GTF2H2: variants seen among roughly 807,000 people sequenced by gnomAD.
GTF2H2 encodes general transcription factor IIH subunit 2.
In GTF2H2, 2 loss-of-function variants were observed where a neutral mutation model predicts 16.5. The ratio of observed to expected loss-of-function variants is 0.12; its 90% CI spans 0.05 to 0.38. The LOEUF (loss-of-function observed/expected upper bound fraction) is 0.38, where lower values mean the gene tolerates loss of function less well. Among genes scored for constraint, GTF2H2 ranks in the 10% least tolerant of loss-of-function variants. The pLI is 0.99. For synonymous variants in GTF2H2, 8 were observed against 44.1 expected, an observed-to-expected ratio of 0.18 and a Z score of 3.24; for missense variants, 20 against 137.0, an observed-to-expected ratio of 0.15 and a Z score of 4.26.
chr5:71,051,068 A>G (rs1344859050), intron 8 of GTF2H2, among the ~76,000 whole-genome samples: 1 of 143,230 alleles, frequency 7.0e-6, no homozygotes. Flanking sequence ...ACTAGTCTTG[A>G]ACTCCTGACC....
In GTF2H2 at chr5:71,058,093, C is replaced by T. The variant is rs1434921274; in HGVS notation, c.364+1597G>A. 161 of 137,886 alleles carry T rather than the reference C, an allele frequency of 1.2e-3. 3 individuals carry two copies. Among genetic ancestry groups the T allele is most frequent in the Non-Finnish European group, 2.0e-3 (124 of 63,160 alleles). The allele number at this position is 137,886 out of a possible 1,614,324, so 8.5% of individuals were successfully genotyped here. A position where few individuals can be genotyped will look rare whatever the true frequency, so the allele number is the denominator to read the frequency against. ...GGTGTGGCAGCGCACACCTGTAATCCCAGCTACTCGGGAGGGGGAGGCAGG... is the reference window on the plus strand; with the variant it reads ...GGTGTGGCAGCGCACACCTGTAATCTCAGCTACTCGGGAGGGGGAGGCAGG... On this transcript the variant is annotated intron_variant, in intron 7 of 15. Transcript: ENST00000274400.
In GTF2H2 at chr5:71,052,321, C is replaced by CCA. The variant is rs1168541748; in HGVS notation, c.470+3029_470+3030dup. ...TAGCTGGGATTATAGGCGCACACCA[C>CCA]CACACCTGGCTAATTTTTTGTATTT... On this transcript the variant is annotated intron_variant, in intron 8 of 15. Coordinates refer to ENST00000274400, the Ensembl canonical transcript of GTF2H2. Among the ~76,000 whole-genome samples, 40 of 118,888 alleles carry CCA rather than the reference C, an allele frequency of 3.4e-4. 5 individuals carry two copies. Among genetic ancestry groups the CCA allele is most frequent in the African/African-American group, 1.3e-3 (37 of 28,764 alleles). 78.0% of individuals were successfully genotyped at this position (118,888 alleles called of 152,430 possible).
intron 8 of GTF2H2, among the ~76,000 whole-genome samples, chr5:71,054,765 G>A (rs1431598453): frequency 2.5e-5 from 3 of 120,866 alleles, no homozygotes; most frequent in African/African-American, 9.9e-5. Flanking sequence ...ATATATAATA[G>A]ATATATAAGC....
intron 8 of GTF2H2, among the ~76,000 whole-genome samples, chr5:71,050,913 C>G (rs1752657701): frequency 9.9e-6 from 1 of 101,364 alleles, no homozygotes; most frequent in Non-Finnish European, 2.0e-5. Flanking sequence ...GTGGTGCGAT[C>G]TCGGCTCACT....
At chr5:71,052,101 T>C (rs1190556570) in intron 8 of GTF2H2, among the ~76,000 whole-genome samples, 1 of 142,280 alleles carries the variant, frequency 7.0e-6, no homozygotes, top group African/African-American at 2.7e-5. Context: ...TCATCAATTA[T>C]TTTAGCTAGA....
At chr5:71,054,170 A>G (rs1752993671) in intron 8 of GTF2H2, among the ~76,000 whole-genome samples, 1 of 145,470 alleles carries the variant, frequency 6.9e-6, no homozygotes, top group Non-Finnish European at 1.5e-5. Flanking sequence ...TTTAATTAAA[A>G]TGATAGCTTG....
At chr5:71,036,532 T>C (rs1751762555) in intron 15 of GTF2H2, among the ~76,000 whole-genome samples, 1 of 86,538 alleles carries the variant, frequency 1.2e-5, no homozygotes, top group Non-Finnish European at 2.5e-5. Context: ...CCAAGGCGGG[T>C]GGATTGCTTG....
At chr5:71,037,887 G>A (rs1751830343) in intron 14 of GTF2H2, among the ~76,000 whole-genome samples, 1 of 61,122 alleles carries the variant, frequency 1.6e-5, no homozygotes, top group Non-Finnish European at 3.1e-5. Context: ...CAGGAGAATC[G>A]CTTGAACCCA....
rs1013595627 is a variant in GTF2H2 at position 71,058,419 on chromosome 5, G to A, written c.364+1271C>T. The A allele has an allele frequency of 7.4e-5, 10 of 135,836 alleles. 1 individual carries two copies. The highest frequency in any genetic ancestry group is 2.5e-4 in the African/African-American group (9 of 35,476). The allele number at this position is 135,836 out of a possible 1,614,324, so 8.4% of individuals were successfully genotyped here. On this transcript the variant is annotated intron_variant, in intron 7 of 15. Coordinates refer to ENST00000274400, the Ensembl canonical transcript of GTF2H2. Reference sequence around the variant, plus strand: ...TACAAACAAAATACTTCATTTCCTGGCCACTTTGTTCATGGATGGGCAGAT... The same window carrying A: ...TACAAACAAAATACTTCATTTCCTGACCACTTTGTTCATGGATGGGCAGAT...
Position 71,052,015 on chromosome 5 carries a change from A to G in GTF2H2, c.471-2857T>C, listed in dbSNP as rs1443523785. On this transcript the variant is annotated intron_variant, in intron 8 of 15. Coordinates refer to ENST00000274400, the Ensembl canonical transcript of GTF2H2. ...ATCCATGATTGCACCACTGCACTCT[A>G]ACCTGGGTGACAGAGCGAGACTCTC... is the stretch of plus-strand genomic sequence containing the variant. 3.6e-5 allele frequency among the ~76,000 whole-genome samples: 5 copies of G among 139,054 alleles called. No individual in the cohort carries two copies. The South Asian group carries it at 1.1e-3, about 31-fold the overall frequency. 91.2% of individuals were successfully genotyped at this position (139,054 alleles called of 152,430 possible). A position where few individuals can be genotyped will look rare whatever the true frequency, so the allele number is the denominator to read the frequency against.
chr5:71,052,182 T>C (rs1752781318), intron 8 of GTF2H2, among the ~76,000 whole-genome samples: 1 of 142,838 alleles, frequency 7.0e-6, no homozygotes, highest in South Asian at 2.1e-4. Context: ...TTTTTCTTTA[T>C]TTTGAGACGG....
At position 71,061,406 on chromosome 5, in the gene GTF2H2, T is replaced by G. The variant is rs1473945354; in HGVS notation, c.135-98A>C. The G allele has an allele frequency of 2.8e-6, 3 of 1,080,550 alleles. No individual in the cohort carries two copies. The East Asian group carries it at 7.6e-5, about 27-fold the overall frequency. The allele number at this position is 1,080,550 out of a possible 1,614,324, so 66.9% of individuals were successfully genotyped here. On this transcript the variant is annotated intron_variant, in intron 3 of 15. Coordinates refer to ENST00000274400, the Ensembl canonical transcript of GTF2H2. ...CAATTGACCTCCTTTGTTTTTCTTT[T>G]TTTCTAATTCTGAGTAAGAATGTCA...
At chr5:71,053,282 T>C (rs2666609) in intron 8 of GTF2H2, among the ~76,000 whole-genome samples, 35 of 140,796 alleles carry the variant, frequency 2.5e-4, no homozygotes, top group African/African-American at 9.1e-4. Flanking sequence ...ATTGGTGTAA[T>C]TTGAATATTT....
intron 8 of GTF2H2, among the ~76,000 whole-genome samples, chr5:71,053,051 G>A (rs2150176014): frequency 9.0e-6 from 1 of 110,658 alleles, no homozygotes; most frequent in South Asian, 3.0e-4. Flanking sequence ...TTACAGGTAA[G>A]AGCCACCACG....
In GTF2H2 at chr5:71,054,082, G is replaced by T. The variant is rs1194513968; in HGVS notation, c.470+1270C>A. Among the ~76,000 whole-genome samples, 2 of 139,852 alleles carry T rather than the reference G, an allele frequency of 1.4e-5. 1 individual carries two copies. The highest frequency in any genetic ancestry group is 5.7e-5 in the African/African-American group (2 of 35,328). The allele number at this position is 139,852 out of a possible 152,430, so 91.7% of individuals were successfully genotyped here. On this transcript the variant is annotated intron_variant, in intron 8 of 15. Transcript: ENST00000274400. ...ACTAAAACTGGAAAGTGAAACTGCAGATAAGGGGGGATTACTATAATTTAA... is the reference window on the plus strand; with the variant it reads ...ACTAAAACTGGAAAGTGAAACTGCATATAAGGGGGGATTACTATAATTTAA...
intron 8 of GTF2H2, among the ~76,000 whole-genome samples, chr5:71,052,710 C>T (rs1752845512): frequency 2.2e-5 from 1 of 44,512 alleles, no homozygotes; most frequent in African/African-American, 1.1e-4. Flanking sequence ...ACTTTCTTAT[C>T]ATTCATGTGT....
rs1176023982 is a variant in GTF2H2, at chr5:71,052,225, T to C, written c.471-3067A>G. ...CAGTGTTGTCTGGGCTAAAGTGCAA[T>C]GGCGCGATCTCGGCTCACTGCAACC... On this transcript the variant is annotated intron_variant, in intron 8 of 15. Coordinates refer to ENST00000274400, the Ensembl canonical transcript of GTF2H2. Among the ~76,000 whole-genome samples the C allele has an allele frequency of 1.4e-5, 2 of 139,586 alleles. 1 individual carries two copies. The highest frequency in any genetic ancestry group is 3.1e-5 in the Non-Finnish European group (2 of 64,548). 91.6% of individuals were successfully genotyped at this position (139,586 alleles called of 152,430 possible).
At chr5:71,039,415 CCA>C (rs2150136011) in intron 14 of GTF2H2, among the ~76,000 whole-genome samples, 1 of 119,258 alleles carries the variant, frequency 8.4e-6, no homozygotes, top group East Asian at 3.3e-4. Context: ...CAGTGATCCC[CCA>C]GTCTCAGCCT....
intron 7 of GTF2H2, among the ~76,000 whole-genome samples, chr5:71,057,456 G>C (rs1166859639): frequency 7.1e-6 from 1 of 141,568 alleles, no homozygotes; most frequent in Non-Finnish European, 1.6e-5. Flanking sequence ...TGTCTTCTTT[G>C]TCTATTCATC....
Sources: allele counts gnomAD v4.1 joint callset (sites outside exome capture counted in the v4.1 genomes callset), GRCh38; gene constraint gnomAD v4.1.1; transcripts MANE v1.5; gene names NCBI Gene and HGNC (gene_info 2026-07-23, HGNC 2026-07-21).